PDCD6IP: variants seen among roughly 807,000 people sequenced by gnomAD.
PDCD6IP encodes programmed cell death 6 interacting protein.
Under a neutral mutation model 103.7 loss-of-function variants are expected in PDCD6IP, and 43 were observed. That is an observed-to-expected ratio of 0.41 (90% CI 0.32 to 0.53). PDCD6IP has a LOEUF of 0.53. Among genes scored for constraint, PDCD6IP ranks in the 20% least tolerant of loss-of-function variants. PDCD6IP has a pLI of 0.16. For missense variants in PDCD6IP, 871 were observed against 1,036.7 expected (o/e 0.84, Z 2.20); for synonymous variants, 354 against 378.7 (o/e 0.93, Z 0.76).
chr3:33,859,202 G>GGCTTTATT (rs1275184451), intron 15 of PDCD6IP, among the ~76,000 whole-genome samples: 4 of 152,146 alleles, frequency 2.6e-5, no homozygotes, highest in Admixed American at 2.6e-4. Flanking sequence ...GAAAATAAAA[G>GGCTTTATT]TTATCTTTAT....
rs1369982492 is a variant in PDCD6IP, at chr3:33,868,657, TACTG to T, written c.*2133_*2136del. ...AGCCCTTTATTACTGTTAAGGATCA[TACTG>T]TTGGTTTGGAGTTGGAAGGGTACTA... On this transcript the variant is annotated 3_prime_UTR_variant, in exon 18 of 18. Coordinates refer to ENST00000307296, the MANE Select transcript of PDCD6IP (RefSeq NM_013374.6). 2 of 152,340 alleles carry T rather than the reference TACTG, an allele frequency of 1.3e-5. No homozygotes were observed. Among genetic ancestry groups the T allele is most frequent in the East Asian group, 3.9e-4 (2 of 5,182 alleles). 9.4% of individuals were successfully genotyped at this position (152,340 alleles called of 1,614,324 possible). A position where few individuals can be genotyped will look rare whatever the true frequency, so the allele number is the denominator to read the frequency against.
At chr3:33,813,292 GAAGTCATTGTGTGTTTATAAAGATGAAT>G in intron 2 of PDCD6IP, 2 of 270,042 alleles carry the variant, frequency 7.4e-6, no homozygotes, top group Non-Finnish European at 1.4e-5. Context: ...TTGTTCCGTT[GAAGTCATTGTGTGTTTATAAAGATGAAT>G]AAGATAGTGT....
Position 33,825,248 on chromosome 3 carries a change from C to T in PDCD6IP, c.524C>T (p.Pro175Leu), listed in dbSNP as rs746173204. 6 of 1,613,210 alleles carry T rather than the reference C, an allele frequency of 3.7e-6. No individual in the cohort carries two copies. Among genetic ancestry groups the T allele is most frequent in the East Asian group, 4.5e-5 (2 of 44,844 alleles). Residue 175 changes from proline to leucine, a missense_variant, in exon 5 of 18, where the codon CCG becomes CTG. Coordinates refer to ENST00000307296, the MANE Select transcript of PDCD6IP (RefSeq NM_013374.6). ...GTTTTATCTGCCTTAAGTCGAGAGC[C>T]GACCGTGGACATATCTCCAGATACT... ...ETVLSALSRE[P>L]TVDISPDTVG...
At chr3:33,858,039 C>T (rs1435280484) in intron 15 of PDCD6IP, among the ~76,000 whole-genome samples, 1 of 151,878 alleles carries the variant, frequency 6.6e-6, no homozygotes, top group African/African-American at 2.4e-5. Context: ...ACTTGAAAAC[C>T]CAAGAGAACC....
intron 6 of PDCD6IP, 61 bp downstream of exon 6, chr3:33,826,641 G>A (rs746924410): frequency 1.3e-6 from 2 of 1,593,062 alleles, no homozygotes; most frequent in South Asian, 1.1e-5. Flanking sequence ...AGACTTTTTT[G>A]TGTATAAGAA....
intron 1 of PDCD6IP, among the ~76,000 whole-genome samples, chr3:33,802,604 C>T (rs895138042): frequency 6.6e-6 from 1 of 151,984 alleles, no homozygotes. Context: ...ATTCTCCTGC[C>T]TCAGCCTCCT....
At chr3:33,857,973 A>G in intron 15 of PDCD6IP, among the ~76,000 whole-genome samples, 1 of 152,210 alleles carries the variant, frequency 6.6e-6, no homozygotes. Context: ...AAATTAAAAA[A>G]TTGGAAAGGA....
intron 12 of PDCD6IP, among the ~76,000 whole-genome samples, chr3:33,849,201 T>C (rs1400748369): frequency 6.6e-6 from 1 of 152,252 alleles, no homozygotes; most frequent in East Asian, 1.9e-4. Flanking sequence ...CTGTTCTGCC[T>C]TTTGTTTACT....
intron 15 of PDCD6IP, 133 bp from the exon 16 acceptor site, chr3:33,863,873 G>A (rs897117151): frequency 3.0e-6 from 2 of 662,128 alleles, no homozygotes; most frequent in Non-Finnish European, 2.7e-6. Flanking sequence ...TTGAAATGTA[G>A]TATATTTTAA....
chr3:33,805,073 C>T (rs980182645), intron 1 of PDCD6IP, among the ~76,000 whole-genome samples: 2 of 152,078 alleles, frequency 1.3e-5, no homozygotes, highest in African/African-American at 2.4e-5. Flanking sequence ...AAATTCTTTT[C>T]CGGCCGGGTG....
intron 8 of PDCD6IP, among the ~76,000 whole-genome samples, chr3:33,836,915 A>G (rs980993801): frequency 1.3e-5 from 2 of 151,000 alleles, no homozygotes; most frequent in Non-Finnish European, 3.0e-5. Context: ...AAAAATATAT[A>G]TTTTTTTCTT....
chr3:33,801,794 A>T (rs940283837), intron 1 of PDCD6IP, among the ~76,000 whole-genome samples: 1 of 152,198 alleles, frequency 6.6e-6, no homozygotes, highest in African/African-American at 2.4e-5. Context: ...GAAGCTCCAG[A>T]TATACCATTT....
intron 15 of PDCD6IP, chr3:33,863,762 T>C: frequency 2.2e-6 from 1 of 464,720 alleles, no homozygotes; most frequent in South Asian, 2.8e-5. Flanking sequence ...ATCCTTTCTT[T>C]AGGATATATA....
Position 33,866,342 on chromosome 3 carries a change from T to TTCTC in PDCD6IP, c.2433-6_2433-5insCTCT, listed in dbSNP as rs572292031. The TTCTC allele has an allele frequency of 4.4e-4, 548 of 1,237,904 alleles. 2 individuals carry two copies. The African/African-American group carries it at 8.0e-3, about 18-fold the overall frequency. The allele number at this position is 1,237,904 out of a possible 1,614,324, so 76.7% of individuals were successfully genotyped here. A position where few individuals can be genotyped will look rare whatever the true frequency, so the allele number is the denominator to read the frequency against. ...TACCAATCAAGATTTTTCTGTTTTC[T>TTCTC]TCTATCAGGTATTGCCAAATGCCCA... On this transcript the variant is annotated splice_polypyrimidine_tract_variant and intron_variant, in intron 17 of 17. Transcript: ENST00000307296.
intron 3 of PDCD6IP, among the ~76,000 whole-genome samples, chr3:33,814,873 T>C (rs1424341635): frequency 2.1e-5 from 3 of 145,724 alleles, no homozygotes; most frequent in East Asian, 4.0e-4. Flanking sequence ...TGTATATACA[T>C]ATATACATAT....
intron 9 of PDCD6IP, among the ~76,000 whole-genome samples, chr3:33,840,701 G>A (rs1482818513): frequency 6.6e-6 from 1 of 152,092 alleles, no homozygotes; most frequent in African/African-American, 2.4e-5. Flanking sequence ...AAATAACTGA[G>A]GAATTGTTAT....
intron 1 of PDCD6IP, among the ~76,000 whole-genome samples, chr3:33,807,054 T>A (rs1237064107): frequency 6.6e-6 from 1 of 152,194 alleles, no homozygotes; most frequent in Non-Finnish European, 1.5e-5. Flanking sequence ...TCACATAGCT[T>A]CTAATCATTC....
chr3:33,843,641 C>T (rs536126515), intron 10 of PDCD6IP, among the ~76,000 whole-genome samples: 2 of 152,198 alleles, frequency 1.3e-5, no homozygotes, highest in South Asian at 4.2e-4. Flanking sequence ...TTAGTATTTC[C>T]TTGTGTTTCT....
chr3:33,820,811 C>T (rs1696975189), intron 3 of PDCD6IP, among the ~76,000 whole-genome samples: 1 of 152,120 alleles, frequency 6.6e-6, no homozygotes, highest in African/African-American at 2.4e-5. Flanking sequence ...ATCACAGACA[C>T]TTGGGTTGCT....
Sources: gnomAD v4.1 joint callset for allele counts (sites outside exome capture counted in the v4.1 genomes callset) on GRCh38, gnomAD v4.1.1 for gene constraint, MANE v1.5 for transcripts, NCBI Gene and HGNC (gene_info 2026-07-23, HGNC 2026-07-21) for gene names.